Variants in GATB observed in about 807,000 individuals in gnomAD.
GATB encodes glutamyl-tRNA amidotransferase subunit B, also known as glutamyl-tRNA(Gln) amidotransferase subunit B, mitochondrial.
In GATB, 39 loss-of-function variants were observed where a neutral mutation model predicts 62.3. That is an observed-to-expected ratio of 0.63 (90% CI 0.48 to 0.82). The LOEUF is 0.82. Among genes scored for constraint, GATB ranks in the 40% least tolerant of loss-of-function variants. The pLI is 0.00. For synonymous variants in GATB, 276 were observed against 258.9 expected, an observed-to-expected ratio of 1.07 and a Z score of -0.63; for missense variants, 670 against 684.0, an observed-to-expected ratio of 0.98 and a Z score of 0.23.
chr4:151,729,033 G>A (rs1469174672), intron 2 of GATB, among the ~76,000 whole-genome samples: 1 of 152,294 alleles, frequency 6.6e-6, no homozygotes, highest in South Asian at 2.1e-4. Flanking sequence ...CTCTGGAAGA[G>A]TCTATCAGGA....
chr4:151,699,951 C>T (rs1314753716), intron 9 of GATB, among the ~76,000 whole-genome samples: 1 of 152,150 alleles, frequency 6.6e-6, no homozygotes, highest in Non-Finnish European at 1.5e-5. Flanking sequence ...GCTGAGTAGC[C>T]TTGGTCCCTT....
chr4:151,706,671 T>C (rs1207450721), intron 6 of GATB, among the ~76,000 whole-genome samples: 2 of 94,442 alleles, frequency 2.1e-5, no homozygotes, highest in Non-Finnish European at 1.9e-5. Context: ...ACTGTCTTCA[T>C]TGAGTGGTTG....
intron 8 of GATB, among the ~76,000 whole-genome samples, chr4:151,701,751 A>T (rs1044007329): frequency 6.6e-6 from 1 of 152,242 alleles, no homozygotes; most frequent in Non-Finnish European, 1.5e-5. Flanking sequence ...AAGAAGCACA[A>T]CACAGGCTTG....
At chr4:151,687,884 T>A (rs886993305) in intron 10 of GATB, among the ~76,000 whole-genome samples, 2 of 152,148 alleles carry the variant, frequency 1.3e-5, no homozygotes, top group African/African-American at 4.8e-5. Flanking sequence ...AAAGACATGT[T>A]GCTGAAGCCA....
rs539704270 is a variant in GATB at position 151,716,992 on chromosome 4, T to C, written c.524A>G (p.Gln175Arg). 3.1e-6 allele frequency: 5 copies of C among 1,614,170 alleles called. No homozygotes were observed. The highest frequency in any genetic ancestry group is 4.2e-6 in the Non-Finnish European group (5 of 1,180,032). ...CACCGTCTTGGGGATCACCTGACTC[T>C]GCTTCTTCCCTGCACAGACGCCATA... ...LIYGVCAGKK[Q>R]SQVIPKTVRI... is the part of the protein sequence containing the mutation. The change falls in exon 4 of 13, where the codon CAG becomes CGG. Residue 175 changes from glutamine to arginine, a missense_variant. By Grantham distance (43) the Gln-to-Arg change is conservative. Coordinates refer to ENST00000263985, the MANE Select transcript of GATB (RefSeq NM_004564.3).
chr4:151,687,470 C>T (rs1195964573), intron 10 of GATB, among the ~76,000 whole-genome samples: 1 of 152,238 alleles, frequency 6.6e-6, no homozygotes, highest in East Asian at 1.9e-4. Flanking sequence ...TGGCCTAGCT[C>T]ACTTCAACCC....
intron 8 of GATB, 147 bp downstream of exon 8, chr4:151,703,704 G>A: frequency 1.5e-6 from 1 of 686,686 alleles, no homozygotes; most frequent in East Asian, 2.6e-5. Context: ...ATATCAAAGA[G>A]GAAGTCTAGA....
chr4:151,674,865 C>T (rs1170157598), intron 11 of GATB: 2 of 152,234 alleles, frequency 1.3e-5, no homozygotes, highest in South Asian at 2.1e-4. Flanking sequence ...CGCAGCAGTT[C>T]CCTCCAGGAA....
chr4:151,710,451 G>A (rs1738796144), intron 5 of GATB, among the ~76,000 whole-genome samples: 1 of 152,166 alleles, frequency 6.6e-6, no homozygotes, highest in South Asian at 2.1e-4. Flanking sequence ...TCTTAAACAA[G>A]TTTTGTTTGT....
intron 2 of GATB, among the ~76,000 whole-genome samples, chr4:151,739,436 T>G (rs1343598902): frequency 1.3e-5 from 2 of 152,158 alleles, no homozygotes; most frequent in African/African-American, 4.8e-5. Flanking sequence ...TTTGCCAAGA[T>G]TTTTAAAAGA....
At chr4:151,739,350 ACTAC>A (rs1739438760) in intron 2 of GATB, among the ~76,000 whole-genome samples, 1 of 151,962 alleles carries the variant, frequency 6.6e-6, no homozygotes, top group Admixed American at 6.6e-5. Context: ...GCCCAGCCTG[ACTAC>A]CTACCCATGC....
Position 151,688,735 on chromosome 4 carries a change from T to C in GATB, c.1226A>G (p.Gln409Arg). 6.2e-7 allele frequency: 1 copy of C among 1,609,402 alleles called. No homozygotes were observed. The highest frequency in any genetic ancestry group is 8.5e-7 in the Non-Finnish European group (1 of 1,178,786). ...LNEVGLLEFF[Q>R]NVIKETRAEP... Reference sequence around the variant, plus strand: ...TGCCCTAGTTTCTTTTATCACATTTTGGAAGAACTCCAGTAGGCCGACTTC... The same window carrying C: ...TGCCCTAGTTTCTTTTATCACATTTCGGAAGAACTCCAGTAGGCCGACTTC... The change falls in exon 10 of 13, where the codon CAA (glutamine) becomes CGA (arginine). Residue 409 changes from glutamine (Q) to arginine (R), a missense_variant. Coordinates refer to ENST00000263985, the MANE Select transcript of GATB (RefSeq NM_004564.3).
intron 2 of GATB, among the ~76,000 whole-genome samples, chr4:151,728,168 T>G (rs1310063033): frequency 1.3e-5 from 2 of 152,204 alleles, no homozygotes. Flanking sequence ...TAACCTTGTA[T>G]GCCTTCCCAT....
At chr4:151,683,957 T>G (rs1409517738) in intron 10 of GATB, among the ~76,000 whole-genome samples, 2 of 152,210 alleles carry the variant, frequency 1.3e-5, no homozygotes, top group Non-Finnish European at 2.9e-5. Flanking sequence ...AGTACCTTAT[T>G]ACCAGATCCT....
intron 2 of GATB, among the ~76,000 whole-genome samples, chr4:151,728,329 T>C (rs1016161543): frequency 6.6e-6 from 1 of 152,194 alleles, no homozygotes; most frequent in Non-Finnish European, 1.5e-5. Context: ...TAGCTACTTT[T>C]GAAATTCAAT....
chr4:151,753,221 A>C (rs1162549112), intron 2 of GATB, among the ~76,000 whole-genome samples: 2 of 152,144 alleles, frequency 1.3e-5, no homozygotes, highest in African/African-American at 4.8e-5. Context: ...ATACATTCCT[A>C]TGGGGGTAGG....
chr4:151,734,711 G>C (rs923857629), intron 2 of GATB, among the ~76,000 whole-genome samples: 1 of 152,110 alleles, frequency 6.6e-6, no homozygotes, highest in Non-Finnish European at 1.5e-5. Context: ...CACCAACACA[G>C]CCTGGTACTG....
chr4:151,697,953 G>GTGTATATATATATA (rs1186735671), intron 9 of GATB, among the ~76,000 whole-genome samples: 15 of 40,578 alleles, frequency 3.7e-4, no homozygotes, highest in African/African-American at 1.6e-3. Context: ...GTGTGTGTGT[G>GTGTATATATATATA]TATATATATA....
chr4:151,693,442 C>T (rs143175437), intron 9 of GATB, among the ~76,000 whole-genome samples: 1 of 152,102 alleles, frequency 6.6e-6, no homozygotes, highest in African/African-American at 2.4e-5. Flanking sequence ...AGAGAGGCCT[C>T]GTCAGTGGAG....
Sources: allele counts gnomAD v4.1 joint callset (sites outside exome capture counted in the v4.1 genomes callset), GRCh38; gene constraint gnomAD v4.1.1; transcripts MANE v1.5; gene names NCBI Gene and HGNC (gene_info 2026-07-23, HGNC 2026-07-21).